LARGE1: variants seen among roughly 807,000 people sequenced by gnomAD.
The protein encoded by LARGE1 is xylosyl- and glucuronyltransferase LARGE1.
In LARGE1, 43 loss-of-function variants were observed where a neutral mutation model predicts 87.6. The observed-to-expected ratio is 0.49, with a 90% CI of 0.38 to 0.63. LARGE1 has a LOEUF of 0.63. Among genes scored for constraint, LARGE1 ranks in the 30% least tolerant of loss-of-function variants. The pLI is 0.00. For synonymous variants in LARGE1, 434 were observed against 394.6 expected (o/e 1.10, Z -1.18); for missense variants, 802 against 1,000.2 (o/e 0.80, Z 2.67).
chr22:33,346,222 C>T (rs1939725277), intron 9 of LARGE1, among the ~76,000 whole-genome samples: 1 of 151,422 alleles, frequency 6.6e-6, no homozygotes, highest in South Asian at 2.1e-4. Flanking sequence ...ACCTTCTTTT[C>T]TCTTCCTTTC....
At chr22:33,830,214 A>G (rs2062926119) in intron 1 of LARGE1, among the ~76,000 whole-genome samples, 1 of 152,122 alleles carries the variant, frequency 6.6e-6, no homozygotes, top group South Asian at 2.1e-4. Context: ...CTCCATCTGT[A>G]AAATTTACAG....
chr22:33,113,755 T>G, the LARGE1 span, among the ~76,000 whole-genome samples: 3 of 152,236 alleles, frequency 2.0e-5, no homozygotes. Flanking sequence ...TGAAGTGTGC[T>G]TAGACATTAG....
intron 1 of LARGE1, among the ~76,000 whole-genome samples, chr22:33,799,192 G>T (rs2086079730): frequency 6.6e-6 from 1 of 151,994 alleles, no homozygotes; most frequent in Non-Finnish European, 1.5e-5. Context: ...GGAGTATCAC[G>T]CCAAAGAAAC....
intron 1 of LARGE1, among the ~76,000 whole-genome samples, chr22:33,875,724 A>C (rs2064443169): frequency 1.3e-5 from 2 of 152,152 alleles, no homozygotes; most frequent in African/African-American, 4.8e-5. Flanking sequence ...TTTAATTGGA[A>C]GTTTCCCTCA....
chr22:33,316,244 T>C lies in LARGE1; in HGVS notation c.1292A>G (p.Gln431Arg), dbSNP rs1192055434. ...SEADVNSENL[Q>R]KQLSELDEDD... ...CTCGTCCAGCTCAGACAGCTGCTTCTGGAGCTGCAGGGTAGGAGAGAGGGC... is the reference window on the plus strand; with the variant it reads ...CTCGTCCAGCTCAGACAGCTGCTTCCGGAGCTGCAGGGTAGGAGAGAGGGC... The change falls in exon 11 of 15, where the codon CAG (glutamine) becomes CGG (arginine). Residue 431 changes from glutamine (Q) to arginine (R), a missense_variant. Physicochemically the swap from Gln to Arg is conservative, Grantham distance 43. Transcript: ENST00000397394. 6.2e-7 allele frequency: 1 copy of C among 1,613,494 alleles called. No homozygotes were observed. The highest frequency in any genetic ancestry group is 8.5e-7 in the Non-Finnish European group (1 of 1,179,904).
intron 12 of LARGE1, among the ~76,000 whole-genome samples, chr22:33,297,604 C>T (rs7288831): frequency 0.042 from 5,773 of 135,986 alleles, 164 homozygotes; most frequent in Middle Eastern, 0.066. Flanking sequence ...CATAAGACTC[C>T]GTCTCAAAAA....
intron 6 of LARGE1, among the ~76,000 whole-genome samples, chr22:33,531,780 C>T (rs1274052915): frequency 6.6e-6 from 1 of 152,164 alleles, no homozygotes; most frequent in African/African-American, 2.4e-5. Flanking sequence ...AACCAATCAG[C>T]CTCAGCTGTA....
At chr22:33,600,223 C>T (rs984158569) in intron 5 of LARGE1, among the ~76,000 whole-genome samples, 2 of 152,166 alleles carry the variant, frequency 1.3e-5, no homozygotes, top group African/African-American at 4.8e-5. Context: ...ATTCAGTAAA[C>T]ATCTTTATAA....
At chr22:33,708,907 G>C (rs937355677) in intron 2 of LARGE1, among the ~76,000 whole-genome samples, 9 of 152,170 alleles carry the variant, frequency 5.9e-5, no homozygotes, top group African/African-American at 2.2e-4. Flanking sequence ...CCCAGAGTTA[G>C]TTTCTTCTGC....
intron 1 of LARGE1, among the ~76,000 whole-genome samples, chr22:33,900,913 G>A (rs1056006847): frequency 6.6e-6 from 1 of 152,206 alleles, no homozygotes; most frequent in Non-Finnish European, 1.5e-5. Context: ...TGGGCATGGT[G>A]ACACACGCCT....
chr22:33,117,714 A>G, the LARGE1 span, among the ~76,000 whole-genome samples: 1 of 152,222 alleles, frequency 6.6e-6, no homozygotes, highest in Non-Finnish European at 1.5e-5. Context: ...GTTTACAAAG[A>G]ACAAATTGTA....
chr22:33,446,263 T>G (rs980042099), intron 6 of LARGE1, among the ~76,000 whole-genome samples: 6 of 152,142 alleles, frequency 3.9e-5, no homozygotes, highest in African/African-American at 4.8e-5. Flanking sequence ...ATAGCTCACA[T>G]CTCTTCCATA....
intron 5 of LARGE1, among the ~76,000 whole-genome samples, 171 bp from the exon 6 acceptor site, chr22:33,565,190 CAT>C (rs1442223955): frequency 2.6e-5 from 4 of 152,128 alleles, no homozygotes; most frequent in Non-Finnish European, 4.4e-5. Context: ...TGCATTTTGA[CAT>C]GTGAAGTTTT....
chr22:33,138,339 C>G, the LARGE1 span, among the ~76,000 whole-genome samples: 17 of 152,294 alleles, frequency 1.1e-4, no homozygotes, highest in Non-Finnish European at 2.4e-4. Flanking sequence ...ATGCCTGTAC[C>G]TCCATTGTAT....
chr22:33,728,382 T>C (rs2083336575), intron 2 of LARGE1, among the ~76,000 whole-genome samples: 4 of 151,186 alleles, frequency 2.6e-5, no homozygotes, highest in Admixed American at 2.6e-4. Context: ...CTACTAAAAA[T>C]ACAAAAATTA....
intron 1 of LARGE1, among the ~76,000 whole-genome samples, chr22:33,844,011 G>A (rs1430139856): frequency 4.6e-5 from 7 of 151,380 alleles, no homozygotes; most frequent in Non-Finnish European, 1.0e-4. Flanking sequence ...CCCGGGAGGC[G>A]GAGGTTGCAG....
intron 13 of LARGE1, among the ~76,000 whole-genome samples, chr22:33,282,316 G>A (rs1930596957): frequency 6.6e-6 from 1 of 152,188 alleles, no homozygotes; most frequent in Non-Finnish European, 1.5e-5. Context: ...TTGCACTCCA[G>A]CCTGGGCAAT....
chr22:33,499,649 C>T (rs927934701), intron 6 of LARGE1, among the ~76,000 whole-genome samples: 13 of 149,628 alleles, frequency 8.7e-5, no homozygotes, highest in African/African-American at 2.5e-4. Flanking sequence ...CATTATTTAA[C>T]TCAATATGGT....
chr22:33,422,353 C>A (rs1224506311), intron 7 of LARGE1, among the ~76,000 whole-genome samples: 1 of 152,186 alleles, frequency 6.6e-6, no homozygotes, highest in East Asian at 1.9e-4. Context: ...GCTCACGGTT[C>A]TGCAGGCTTT....
Sources: allele counts gnomAD v4.1 joint callset (sites outside exome capture counted in the v4.1 genomes callset), GRCh38; gene constraint gnomAD v4.1.1; transcripts MANE v1.5; gene names NCBI Gene and HGNC (gene_info 2026-07-23, HGNC 2026-07-21).